HDAC4: variants seen among roughly 807,000 people sequenced by gnomAD.
HDAC4 encodes histone deacetylase 4, also known as histone deacetylase A.
In HDAC4, 16 loss-of-function variants were observed where a neutral mutation model predicts 135.1. That is an observed-to-expected ratio of 0.12 (90% confidence interval 0.08 to 0.18). HDAC4 has a LOEUF of 0.18. Ranked by LOEUF, HDAC4 falls within the 10% of genes least tolerant of loss-of-function variation. The probability of loss-of-function intolerance (pLI) is 1.00; values close to 1 mark genes in which losing one functional copy is unlikely to be tolerated. For missense variants in HDAC4, 1,143 were observed against 1,511.8 expected (o/e 0.76, Z 4.05); for synonymous variants, 685 against 653.4 (o/e 1.05, Z -0.74).
chr2:239,338,073 C>A (rs1692063573), intron 2 of HDAC4, among the ~76,000 whole-genome samples: 1 of 152,192 alleles, frequency 6.6e-6, no homozygotes, highest in South Asian at 2.1e-4. Context: ...GCCCCGCCCA[C>A]CAGCCAGGTG....
At chr2:239,197,298 G>A (rs1015157393) in intron 3 of HDAC4, among the ~76,000 whole-genome samples, 3 of 152,132 alleles carry the variant, frequency 2.0e-5, no homozygotes, top group East Asian at 1.9e-4. Context: ...GTACTGTCAG[G>A]AAAATGGGCG....
intron 2 of HDAC4, among the ~76,000 whole-genome samples, chr2:239,316,333 T>C (rs2053113825): frequency 1.3e-5 from 2 of 152,144 alleles, no homozygotes; most frequent in African/African-American, 4.8e-5. Context: ...GCCCGGTGAC[T>C]CTCACCTGTA....
chr2:239,244,111 G>A (rs917269752), intron 2 of HDAC4, among the ~76,000 whole-genome samples: 6 of 152,320 alleles, frequency 3.9e-5, no homozygotes, highest in African/African-American at 1.2e-4. Flanking sequence ...AAGGGCTGAC[G>A]TCAGACCAGA....
At chr2:239,236,053 G>A (rs1483646321) in intron 3 of HDAC4, among the ~76,000 whole-genome samples, 1 of 152,174 alleles carries the variant, frequency 6.6e-6, no homozygotes, top group African/African-American at 2.4e-5. Context: ...ATAGACAAAT[G>A]CATAAATAAC....
intron 3 of HDAC4, among the ~76,000 whole-genome samples, chr2:239,200,788 C>T (rs769067981): frequency 2.0e-5 from 3 of 151,722 alleles, no homozygotes; most frequent in South Asian, 2.1e-4. Context: ...AGATTGCATT[C>T]GACGCCGTGC....
At chr2:239,132,457 C>T (rs952804672) in intron 11 of HDAC4, among the ~76,000 whole-genome samples, 1 of 152,118 alleles carries the variant, frequency 6.6e-6, no homozygotes, top group African/African-American at 2.4e-5. Context: ...CGGCATAGGA[C>T]TGGAGGGGCT....
At chr2:239,074,097 C>CAGGACTGAGGGGAGCA (rs2034495417) in intron 22 of HDAC4, among the ~76,000 whole-genome samples, 1 of 147,816 alleles carries the variant, frequency 6.8e-6, no homozygotes, top group Non-Finnish European at 1.5e-5. Context: ...TGAGGGGGGC[C>CAGGACTGAGGGGAGCA]GCAGGACTGA....
chr2:239,176,634 C>A, intron 4 of HDAC4, 71 bp from the exon 5 acceptor site: 1 of 1,467,228 alleles, frequency 6.8e-7, no homozygotes. Context: ...CAATGAAGAC[C>A]CAAGAAACCA....
At chr2:239,254,417 TAA>T (rs768394516) in intron 2 of HDAC4, among the ~76,000 whole-genome samples, 41 of 113,398 alleles carry the variant, frequency 3.6e-4, no homozygotes, top group Admixed American at 3.5e-4. Flanking sequence ...CAAGCTGCGC[TAA>T]AAAAAAAAAA....
At chr2:239,297,251 G>C (rs573947638) in intron 2 of HDAC4, among the ~76,000 whole-genome samples, 70 of 152,260 alleles carry the variant, frequency 4.6e-4, no homozygotes, top group African/African-American at 1.6e-3. Context: ...CCCAAACCTT[G>C]GCCGCAGGAT....
At chr2:239,238,769 T>A (rs2048026024) in intron 2 of HDAC4, among the ~76,000 whole-genome samples, 1 of 152,210 alleles carries the variant, frequency 6.6e-6, no homozygotes, top group Non-Finnish European at 1.5e-5. Context: ...ACACATCAGA[T>A]CTCAGTGCAA....
chr2:239,361,619 A>C (rs1693873912), intron 1 of HDAC4, among the ~76,000 whole-genome samples: 1 of 152,214 alleles, frequency 6.6e-6, no homozygotes. Flanking sequence ...AACCCCTCAT[A>C]AAGAAAGCAG....
At chr2:239,229,685 C>T (rs2047430565) in intron 3 of HDAC4, among the ~76,000 whole-genome samples, 1 of 152,098 alleles carries the variant, frequency 6.6e-6, no homozygotes, top group African/African-American at 2.4e-5. Flanking sequence ...GGGTGAGGAC[C>T]TCACAGATCC....
chr2:239,099,372 G>A (rs2037406647), intron 16 of HDAC4, among the ~76,000 whole-genome samples: 1 of 152,236 alleles, frequency 6.6e-6, no homozygotes, highest in South Asian at 2.1e-4. Flanking sequence ...ATGCTTTGAG[G>A]CTGCTCAGCA....
chr2:239,172,453 T>G (rs910669207), intron 5 of HDAC4, among the ~76,000 whole-genome samples: 2 of 151,972 alleles, frequency 1.3e-5, no homozygotes, highest in Non-Finnish European at 2.9e-5. Context: ...CCAAACTAAT[T>G]GAAAGACAAA....
At chr2:239,170,397 A>G (rs1265657713) in intron 5 of HDAC4, among the ~76,000 whole-genome samples, 1 of 152,278 alleles carries the variant, frequency 6.6e-6, no homozygotes, top group Non-Finnish European at 1.5e-5. Flanking sequence ...AAATACAAAC[A>G]AATGAACAAA....
chr2:239,178,922 T>A (rs1350262297), intron 4 of HDAC4, among the ~76,000 whole-genome samples: 11 of 151,080 alleles, frequency 7.3e-5, no homozygotes, highest in Admixed American at 7.2e-4. Flanking sequence ...TAGAGTGGGG[T>A]GTGTGTGCGA....
At chr2:239,325,514 A>G (rs1311625613) in intron 2 of HDAC4, among the ~76,000 whole-genome samples, 2 of 152,256 alleles carry the variant, frequency 1.3e-5, no homozygotes, top group East Asian at 3.8e-4. Context: ...CACAACCACA[A>G]TAAGATACCA....
At chr2:239,065,308 G>T (rs781645330) in intron 24 of HDAC4, among the ~76,000 whole-genome samples, 3 of 152,214 alleles carry the variant, frequency 2.0e-5, no homozygotes, top group Non-Finnish European at 4.4e-5. Flanking sequence ...CAGCACCTTG[G>T]TCTGGAGCAC....
Sources: allele counts gnomAD v4.1 joint callset (sites outside exome capture counted in the v4.1 genomes callset), GRCh38; gene constraint gnomAD v4.1.1; transcripts MANE v1.5; gene names NCBI Gene and HGNC (gene_info 2026-07-23, HGNC 2026-07-21).